Variants in TECRL observed in about 807,000 individuals in gnomAD.
TECRL encodes trans-2,3-enoyl-CoA reductase like.
In TECRL, 63 loss-of-function variants were observed where a neutral mutation model predicts 52.8. That is an observed-to-expected ratio of 1.19 (90% CI 0.97 to 1.47). The LOEUF is 1.47. Ranked by LOEUF, TECRL falls within the 40% of genes most tolerant of loss-of-function variation. The probability of loss-of-function intolerance (pLI) is 0.00; values close to 1 mark genes in which losing one functional copy is unlikely to be tolerated. For missense variants in TECRL, 482 were observed against 429.6 expected, an observed-to-expected ratio of 1.12 and a Z score of -1.08; for synonymous variants, 164 against 141.9, an observed-to-expected ratio of 1.16 and a Z score of -1.10.
intron 1 of TECRL, among the ~76,000 whole-genome samples, chr4:64,395,943 C>G (rs138430682): frequency 2.7e-3 from 418 of 152,200 alleles, no homozygotes; most frequent in African/African-American, 9.4e-3. Context: ...TTCTGTTCCT[C>G]AGTTAATTCA....
intron 1 of TECRL, among the ~76,000 whole-genome samples, chr4:64,403,475 G>GCGCACACACACACACACACA (rs59253067): frequency 2.7e-5 from 4 of 148,238 alleles, no homozygotes; most frequent in Admixed American, 1.4e-4. Flanking sequence ...CTCCCTGAGC[G>GCGCACACACACACACACACA]CACACACACA....
chr4:64,333,215 C>A (rs762741895), intron 2 of TECRL, among the ~76,000 whole-genome samples: 1 of 151,816 alleles, frequency 6.6e-6, no homozygotes, highest in Non-Finnish European at 1.5e-5. Context: ...ATATTACCAA[C>A]AAATTAATGG....
At chr4:64,370,189 G>A (rs1352054346) in intron 2 of TECRL, among the ~76,000 whole-genome samples, 6 of 151,814 alleles carry the variant, frequency 4.0e-5, no homozygotes, top group Non-Finnish European at 5.9e-5. Context: ...AAGAAATACC[G>A]ATGCTATAAC....
At chr4:64,301,579 G>A (rs368196699) in intron 7 of TECRL, among the ~76,000 whole-genome samples, 3 of 142,322 alleles carry the variant, frequency 2.1e-5, no homozygotes, top group East Asian at 1.9e-4. Context: ...GATAACAAAC[G>A]GAAGTTTGTT....
chr4:64,391,867 C>G (rs1337187245), intron 1 of TECRL, among the ~76,000 whole-genome samples: 1 of 151,884 alleles, frequency 6.6e-6, no homozygotes, highest in Non-Finnish European at 1.5e-5. Context: ...TGCTGTCACA[C>G]TGTCTTTGTT....
chr4:64,281,909 T>C (rs556326891), intron 9 of TECRL, among the ~76,000 whole-genome samples: 1 of 151,890 alleles, frequency 6.6e-6, no homozygotes. Flanking sequence ...TAAAGTGTGT[T>C]TTAACATTTG....
At chr4:64,334,054 AAGAG>A (rs1412830458) in intron 2 of TECRL, among the ~76,000 whole-genome samples, 1 of 147,472 alleles carries the variant, frequency 6.8e-6, no homozygotes, top group African/African-American at 2.4e-5. Context: ...AAAAAAGAAA[AAGAG>A]AGAATGTCCT....
intron 3 of TECRL, among the ~76,000 whole-genome samples, chr4:64,324,020 G>T (rs942618748): frequency 1.3e-5 from 2 of 152,056 alleles, no homozygotes; most frequent in Admixed American, 6.6e-5. Flanking sequence ...TGTGTATTCA[G>T]CATGGAAAGA....
At chr4:64,305,843 T>C (rs980280415) in intron 6 of TECRL, among the ~76,000 whole-genome samples, 1 of 152,178 alleles carries the variant, frequency 6.6e-6, no homozygotes, top group Non-Finnish European at 1.5e-5. Context: ...AAAGACTTCC[T>C]TGTCTTTGCC....
chr4:64,312,335 C>A (rs1299174007), intron 5 of TECRL, among the ~76,000 whole-genome samples: 4 of 152,042 alleles, frequency 2.6e-5, no homozygotes, highest in Admixed American at 2.6e-4. Context: ...AAACTAGATA[C>A]CTAAATTTCA....
At chr4:64,332,004 A>T (rs952285674) in intron 2 of TECRL, among the ~76,000 whole-genome samples, 3 of 152,202 alleles carry the variant, frequency 2.0e-5, no homozygotes, top group Non-Finnish European at 2.9e-5. Flanking sequence ...AAGTATGAGA[A>T]AATATTTTAT....
chr4:64,303,089 T>C (rs1032945099), intron 7 of TECRL, among the ~76,000 whole-genome samples: 1 of 151,460 alleles, frequency 6.6e-6, no homozygotes, highest in African/African-American at 2.4e-5. Flanking sequence ...TATGATGCAA[T>C]ATATAAGCAA....
intron 1 of TECRL, among the ~76,000 whole-genome samples, chr4:64,402,417 T>C (rs937702388): frequency 6.6e-6 from 1 of 152,178 alleles, no homozygotes; most frequent in Non-Finnish European, 1.5e-5. Context: ...ATATCTCTTT[T>C]AAACGTCTAT....
In TECRL at chr4:64,353,500, G is replaced by C. The variant is rs77554025; in HGVS notation, c.286+21672C>G. Among the ~76,000 whole-genome samples the C allele has an allele frequency of 3.2e-3, 485 of 152,242 alleles. 18 individuals carry two copies. In the East Asian group the frequency reaches 0.086, roughly 27 times the overall value. On this transcript the variant is annotated intron_variant, in intron 2 of 11. Coordinates refer to ENST00000381210, the MANE Select transcript of TECRL (RefSeq NM_001010874.5). ...TGGTATAAAGTTGATAAACTGAGTG[G>C]ATAATTGGATATAGAATGTAAGAGA...
intron 1 of TECRL, among the ~76,000 whole-genome samples, chr4:64,395,173 G>A (rs1052889626): frequency 3.3e-5 from 5 of 151,866 alleles, no homozygotes; most frequent in Non-Finnish European, 5.9e-5. Context: ...TCCTGTCTCA[G>A]CCCCCCAAAT....
intron 1 of TECRL, among the ~76,000 whole-genome samples, chr4:64,389,485 T>C (rs1299155306): frequency 4.6e-5 from 7 of 152,008 alleles, no homozygotes; most frequent in African/African-American, 1.7e-4. Context: ...TTGCAAAGGA[T>C]ACTTCTTTTT....
rs971996603 is a variant in TECRL at position 64,294,858 on chromosome 4, C to A, written c.775-5091G>T. ...ACAATTGTAGCTAAATATATTATTACAAAGTTTCACTTAGGAAATTTATTA... is the reference window on the plus strand; with the variant it reads ...ACAATTGTAGCTAAATATATTATTAAAAAGTTTCACTTAGGAAATTTATTA... On this transcript the variant is annotated intron_variant, in intron 8 of 11. Transcript: ENST00000381210. Among the ~76,000 whole-genome samples, 3 of 151,876 alleles carry A rather than the reference C, an allele frequency of 2.0e-5. No individual in the cohort carries two copies. The South Asian group carries it at 6.2e-4, about 31-fold the overall frequency.
chr4:64,365,232 A>C (rs1721514235), intron 2 of TECRL, among the ~76,000 whole-genome samples: 1 of 151,940 alleles, frequency 6.6e-6, no homozygotes. Context: ...CTATACATAA[A>C]AGGAACATAC....
intron 8 of TECRL, among the ~76,000 whole-genome samples, chr4:64,292,524 A>G (rs1187830073): frequency 6.6e-6 from 1 of 152,056 alleles, no homozygotes; most frequent in Admixed American, 6.6e-5. Flanking sequence ...CACTACATGT[A>G]AGAAGCAGCA....
Sources: allele counts gnomAD v4.1 joint callset (sites outside exome capture counted in the v4.1 genomes callset), GRCh38; gene constraint gnomAD v4.1.1; transcripts MANE v1.5; gene names NCBI Gene and HGNC (gene_info 2026-07-23, HGNC 2026-07-21).